The following ATE1 variants were observed in gnomAD, a reference collection of about 807,000 sequenced individuals.
The protein encoded by ATE1 is arginyltransferase 1.
A neutral mutation model predicts 70.5 loss-of-function variants in ATE1; 36 were observed. The ratio of observed to expected loss-of-function variants is 0.51; its 90% CI spans 0.39 to 0.67. The LOEUF (loss-of-function observed/expected upper bound fraction) is 0.67. Among genes scored for constraint, ATE1 ranks in the 30% least tolerant of loss-of-function variants. The probability of loss-of-function intolerance (pLI) is 0.00; values close to 1 mark genes in which losing one functional copy is unlikely to be tolerated. For missense variants in ATE1, 593 were observed against 629.5 expected (o/e 0.94, Z 0.62); for synonymous variants, 232 against 219.3 (o/e 1.06, Z -0.51).
chr10:121,790,259 G>A lies in ATE1; in HGVS notation c.1288C>T (p.Pro430Ser). Residue 430 changes from proline to serine, a missense_variant, in exon 11 of 12, where the codon CCT (proline) becomes TCT (serine). By Grantham distance (74) the Pro-to-Ser change is moderately conservative. Transcript: ENST00000224652. ...ATGGGTACCCAAACATATGTCTCAG[G>A]GCACAGCAAATCAGAAGGTCTATAC... ...GQYRPSDLLC[P>S]ETYVWVPIEQ... 1 of 1,613,986 alleles carries A rather than the reference G, an allele frequency of 6.2e-7. No individual in the cohort carries two copies. The highest frequency in any genetic ancestry group is 8.5e-7 in the Non-Finnish European group (1 of 1,179,976).
chr10:121,856,716 T>A (rs1168397751), intron 8 of ATE1, among the ~76,000 whole-genome samples: 1 of 152,208 alleles, frequency 6.6e-6, no homozygotes, highest in Non-Finnish European at 1.5e-5. Flanking sequence ...ATACGTTGAT[T>A]TAAAAATATT....
intron 10 of ATE1, among the ~76,000 whole-genome samples, chr10:121,826,381 C>CT (rs1186261608): frequency 6.6e-6 from 1 of 152,126 alleles, no homozygotes; most frequent in Admixed American, 6.5e-5. Context: ...TCTCGGCTTA[C>CT]TGCAACCTCC....
At chr10:121,757,442 C>G (rs1404083711) in intron 11 of ATE1, among the ~76,000 whole-genome samples, 2 of 152,198 alleles carry the variant, frequency 1.3e-5, no homozygotes, top group Non-Finnish European at 2.9e-5. Flanking sequence ...GTACCCCACT[C>G]CTGGTACCAA....
At chr10:121,844,018 TAA>T (rs916800540) in intron 8 of ATE1, among the ~76,000 whole-genome samples, 1 of 152,216 alleles carries the variant, frequency 6.6e-6, no homozygotes. Context: ...GAAAATCTTG[TAA>T]AAGACATATC....
At chr10:121,817,841 TCAA>T (rs1276059896) in intron 10 of ATE1, among the ~76,000 whole-genome samples, 1 of 152,050 alleles carries the variant, frequency 6.6e-6, no homozygotes, top group African/African-American at 2.4e-5. Context: ...GATTCTATCA[TCAA>T]CAAGGATGGT....
chr10:121,819,831 T>G (rs1448789342), intron 10 of ATE1, among the ~76,000 whole-genome samples: 2 of 151,256 alleles, frequency 1.3e-5, no homozygotes, highest in Non-Finnish European at 2.9e-5. Context: ...AAAAACCTAT[T>G]AAAATTTAAA....
chr10:121,896,412 C>T (rs1257356570), intron 7 of ATE1, among the ~76,000 whole-genome samples: 1 of 152,196 alleles, frequency 6.6e-6, no homozygotes, highest in Admixed American at 6.5e-5. Flanking sequence ...AGAATGGCAG[C>T]ATGTTGAGGC....
At chr10:121,847,532 G>T (rs142445921) in intron 8 of ATE1, among the ~76,000 whole-genome samples, 6 of 151,794 alleles carry the variant, frequency 4.0e-5, no homozygotes, top group African/African-American at 1.5e-4. Flanking sequence ...GGCCAAGGTG[G>T]GCAGATCACG....
At chr10:121,762,049 C>T (rs1319464867) in intron 11 of ATE1, among the ~76,000 whole-genome samples, 1 of 152,160 alleles carries the variant, frequency 6.6e-6, no homozygotes, top group Non-Finnish European at 1.5e-5. Context: ...TCACTCTGTT[C>T]ACTGAAGTCA....
At chr10:121,860,914 A>G (rs1391181700) in intron 8 of ATE1, among the ~76,000 whole-genome samples, 4 of 152,194 alleles carry the variant, frequency 2.6e-5, no homozygotes, top group Non-Finnish European at 5.9e-5. Context: ...CGTCAGTTCA[A>G]TTTGAGATTC....
At chr10:121,822,362 C>G (rs150913748) in intron 10 of ATE1, among the ~76,000 whole-genome samples, 1 of 152,082 alleles carries the variant, frequency 6.6e-6, no homozygotes, top group African/African-American at 2.4e-5. Context: ...AAAGTGAGAA[C>G]AGTGGTTACC....
intron 8 of ATE1, among the ~76,000 whole-genome samples, 156 bp downstream of exon 8, chr10:121,869,850 A>G (rs1282078862): frequency 2.0e-5 from 3 of 152,244 alleles, no homozygotes; most frequent in Non-Finnish European, 4.4e-5. Context: ...TCCAAAAAAA[A>G]AGCCTGCAGT....
At chr10:121,879,509 C>T (rs1393669277) in intron 7 of ATE1, among the ~76,000 whole-genome samples, 1 of 152,132 alleles carries the variant, frequency 6.6e-6, no homozygotes, top group Non-Finnish European at 1.5e-5. Context: ...ATCCTCAGTC[C>T]AAAATAATGC....
intron 5 of ATE1, among the ~76,000 whole-genome samples, chr10:121,908,577 T>C (rs1470488926): frequency 2.0e-5 from 3 of 152,196 alleles, no homozygotes; most frequent in African/African-American, 7.2e-5. Flanking sequence ...GCTGTCTTTA[T>C]AGAAGCAGTC....
intron 8 of ATE1, among the ~76,000 whole-genome samples, chr10:121,860,515 G>A (rs1457023035): frequency 6.6e-6 from 1 of 152,072 alleles, no homozygotes; most frequent in East Asian, 1.9e-4. Context: ...AAGCAAAAAG[G>A]TTTACCCCAA....
chr10:121,920,704 T>G (rs535908742), intron 3 of ATE1, among the ~76,000 whole-genome samples: 1 of 151,928 alleles, frequency 6.6e-6, no homozygotes, highest in Non-Finnish European at 1.5e-5. Flanking sequence ...TTAAGAAAAC[T>G]GGACTCTGGG....
intron 11 of ATE1, among the ~76,000 whole-genome samples, chr10:121,748,652 G>A (rs1306932686): frequency 7.0e-6 from 1 of 142,954 alleles, no homozygotes; most frequent in African/African-American, 2.5e-5. Context: ...TAGTTTTTTT[G>A]TTTTTTTTTT....
intron 2 of ATE1, among the ~76,000 whole-genome samples, chr10:121,922,881 C>T (rs1049904459): frequency 3.3e-5 from 5 of 152,154 alleles, no homozygotes; most frequent in Non-Finnish European, 7.3e-5. Flanking sequence ...ATTCTGTTCT[C>T]AAGTCAGAGA....
chr10:121,799,168 G>T (rs925214851), intron 10 of ATE1, among the ~76,000 whole-genome samples: 2 of 152,156 alleles, frequency 1.3e-5, no homozygotes, highest in African/African-American at 2.4e-5. Context: ...CTTGTGAGGT[G>T]CTCATTCTCT....
Sources: gnomAD v4.1 joint callset for allele counts (sites outside exome capture counted in the v4.1 genomes callset) on GRCh38, gnomAD v4.1.1 for gene constraint, MANE v1.5 for transcripts, NCBI Gene and HGNC (gene_info 2026-07-23, HGNC 2026-07-21) for gene names.